Variants in C22orf31 observed in about 807,000 individuals in gnomAD.
C22orf31 encodes uncharacterized protein C22orf31.
A neutral mutation model predicts 15.0 loss-of-function variants in C22orf31; 11 were observed. The observed-to-expected ratio is 0.73, with a 90% CI of 0.46 to 1.21. The LOEUF (loss-of-function observed/expected upper bound fraction) is 1.21. Among genes scored for constraint, C22orf31 ranks in the 50% most tolerant of loss-of-function variants. The pLI is 0.00. For synonymous variants in C22orf31, 132 were observed against 133.3 expected, an observed-to-expected ratio of 0.99 and a Z score of 0.07; for missense variants, 340 against 347.2, an observed-to-expected ratio of 0.98 and a Z score of 0.17.
chr22:29,058,780 C>T lies in C22orf31; in HGVS notation c.835G>A (p.Val279Ile), dbSNP rs1478072774. ...TTTAACTTGGGCCATTTCTTGAGTACAGGCTCCTCGTGGACACCTGGCTGC... is the reference window on the plus strand; with the variant it reads ...TTTAACTTGGGCCATTTCTTGAGTATAGGCTCCTCGTGGACACCTGGCTGC... The part of the protein sequence containing the change: ...RKQPGVHEEP[V>I]LKKWPKLKSK... The change falls in exon 3 of 3, where the codon GTA becomes ATA. Residue 279 changes from valine to isoleucine, a missense_variant. Transcript: ENST00000216071. The T allele has an allele frequency of 1.2e-6, 2 of 1,613,782 alleles. No individual in the cohort carries two copies. Among genetic ancestry groups the T allele is most frequent in the African/African-American group, 1.3e-5 (1 of 74,902 alleles).
chr22:29,073,420 G>A, the C22orf31 span, among the ~76,000 whole-genome samples: 1 of 151,254 alleles, frequency 6.6e-6, no homozygotes, highest in African/African-American at 2.4e-5. The surrounding 1 kb of genome is among the most constrained non-coding windows in gnomAD (Gnocchi z 4.4). Flanking sequence ...GCCCGTCATC[G>A]ACGCCCCCGG....
intron 2 of C22orf31, 130 bp downstream of exon 2, chr22:29,060,285 G>C (rs978299876): frequency 1.2e-6 from 1 of 835,022 alleles, no homozygotes; most frequent in African/African-American, 1.7e-5. Context: ...CTCCCTGCTT[G>C]GCCTCCCAAA....
intron 1 of C22orf31, 22 bp downstream of exon 1, chr22:29,061,768 T>C (rs768179707): frequency 1.3e-6 from 2 of 1,517,748 alleles, no homozygotes; most frequent in Non-Finnish European, 1.8e-6. Context: ...AAATGTCATC[T>C]ATAGAAATAA....
upstream of C22orf31, among the ~76,000 whole-genome samples, chr22:29,065,812 G>A (rs2037425469): frequency 6.6e-6 from 1 of 152,202 alleles, no homozygotes; most frequent in East Asian, 1.9e-4. Context: ...TGGGGAACTC[G>A]GGGTTGAAGC....
chr22:29,071,491 C>A, the C22orf31 span, among the ~76,000 whole-genome samples: 4 of 152,148 alleles, frequency 2.6e-5, no homozygotes, highest in African/African-American at 9.7e-5. Context: ...GTACCCAAGG[C>A]GTGCCGGTCC....
At chr22:29,071,854 C>T in the C22orf31 span, among the ~76,000 whole-genome samples, 1 of 152,216 alleles carries the variant, frequency 6.6e-6, no homozygotes. Context: ...ACATCCCAGG[C>T]TGTAGGATAA....
intron 1 of C22orf31, among the ~76,000 whole-genome samples, chr22:29,061,165 T>C (rs530598651): frequency 1.3e-5 from 2 of 152,116 alleles, no homozygotes; most frequent in African/African-American, 4.8e-5. Flanking sequence ...GACGGCAGGG[T>C]CACTCAAGAC....
chr22:29,063,288 C>A (rs1243283910), upstream of C22orf31, among the ~76,000 whole-genome samples: 1 of 152,130 alleles, frequency 6.6e-6, no homozygotes, highest in Non-Finnish European at 1.5e-5. Context: ...GCATCAGCCA[C>A]CCAAGACGCT....
chr22:29,061,693 C>T (rs2037393850), intron 1 of C22orf31, 97 bp downstream of exon 1: 1 of 937,844 alleles, frequency 1.1e-6, no homozygotes, highest in South Asian at 1.7e-5. Flanking sequence ...CTGGGACCAA[C>T]TAAGAGCAAC....
At chr22:29,063,651 T>G (rs1176095847), upstream of C22orf31, among the ~76,000 whole-genome samples, 1 of 152,210 alleles carries the variant, frequency 6.6e-6, no homozygotes, top group African/African-American at 2.4e-5. Context: ...ATTTCTCCTA[T>G]GTCAATAAAA....
At chr22:29,061,284 G>A (rs1271091925) in intron 1 of C22orf31, among the ~76,000 whole-genome samples, 3 of 152,110 alleles carry the variant, frequency 2.0e-5, no homozygotes, top group African/African-American at 4.8e-5. Context: ...GTGTGTGGGG[G>A]GGACGGAGTT....
chr22:29,072,261 C>T, the C22orf31 span, among the ~76,000 whole-genome samples: 179 of 152,270 alleles, frequency 1.2e-3, 2 homozygotes, highest in East Asian at 0.024. Context: ...CCTCCTGCTT[C>T]AGTCTCCTGA....
chr22:29,059,063 C>T lies in C22orf31; in HGVS notation c.552G>A (p.Lys184=), dbSNP rs1372701530. 1 of 1,614,242 alleles carries T rather than the reference C, an allele frequency of 6.2e-7. No individual in the cohort carries two copies. Among genetic ancestry groups the T allele is most frequent in the South Asian group, 1.1e-5 (1 of 91,086 alleles). The change falls in exon 3 of 3, where the codon AAG becomes AAA. Residue 184 remains lysine (K), a synonymous_variant. Coordinates refer to ENST00000216071, the MANE Select transcript of C22orf31 (RefSeq NM_015370.2). The stretch of plus-strand genomic sequence containing the variant: ...GGGTTTCAGGAAGCAACACTCGGCC[C>T]TTCCAGGCTGCTGTCCCACTGTCCT... The part of the protein sequence containing the change: ...LPQDSGTAAW[K]GRVLLPETQK...
At chr22:29,071,763 G>A in the C22orf31 span, among the ~76,000 whole-genome samples, 1 of 152,166 alleles carries the variant, frequency 6.6e-6, no homozygotes, top group Admixed American at 6.5e-5. Flanking sequence ...CCTTGCCGGG[G>A]TCGGGGCGGG....
At chr22:29,061,390 C>T (rs921418186) in intron 1 of C22orf31, among the ~76,000 whole-genome samples, 7 of 152,084 alleles carry the variant, frequency 4.6e-5, no homozygotes, top group African/African-American at 1.2e-4. Flanking sequence ...CCTCAGCCTC[C>T]GAAGTAGTTG....
At chr22:29,073,138 C>T in the C22orf31 span, 3 of 1,082,720 alleles carry the variant, frequency 2.8e-6, no homozygotes, top group Non-Finnish European at 3.3e-6. This position sits in a 1 kb window ranked among gnomAD's most constrained non-coding sequence, Gnocchi z 4.4. Flanking sequence ...CCCATGGCGC[C>T]GCCAGCCGCC....
At chr22:29,063,677 T>C (rs919147198), upstream of C22orf31, among the ~76,000 whole-genome samples, 1 of 152,232 alleles carries the variant, frequency 6.6e-6, no homozygotes, top group Non-Finnish European at 1.5e-5. Flanking sequence ...ATTTATTGAA[T>C]GCTTCCTGAA....
At chr22:29,068,412 CTTT>C in the C22orf31 span, among the ~76,000 whole-genome samples, 21 of 127,426 alleles carry the variant, frequency 1.6e-4, no homozygotes, top group African/African-American at 1.2e-4. Flanking sequence ...CTTTAAATTT[CTTT>C]TTTTTTTTTT....
chr22:29,062,162 T>G (rs901765709), upstream of C22orf31, among the ~76,000 whole-genome samples: 1 of 152,194 alleles, frequency 6.6e-6, no homozygotes, highest in Non-Finnish European at 1.5e-5. Context: ...GGATGAATTT[T>G]GAAGATCTTC....
Sources: gnomAD v4.1 joint callset for allele counts (sites outside exome capture counted in the v4.1 genomes callset) on GRCh38, gnomAD v4.1.1 for gene constraint, Gnocchi (gnomAD v3.1) non-coding constraint, MANE v1.5 for transcripts, NCBI Gene and HGNC (gene_info 2026-07-23, HGNC 2026-07-21) for gene names.